VPS13C: variants seen among roughly 807,000 people sequenced by gnomAD.
The protein encoded by VPS13C is intermembrane lipid transfer protein VPS13C.
Under a neutral mutation model 456.8 loss-of-function variants are expected in VPS13C, and 358 were observed. The ratio of observed to expected loss-of-function variants is 0.78; its 90% CI spans 0.72 to 0.86. The LOEUF is 0.86. VPS13C is among the 40% of genes least tolerant of loss of function. The pLI is 0.00. For missense variants in VPS13C, 4,818 were observed against 4,385.4 expected (o/e 1.10, Z -2.79); for synonymous variants, 1,578 against 1,486.7 (o/e 1.06, Z -1.41).
intron 39 of VPS13C, 109 bp downstream of exon 39, chr15:61,951,715 T>A (rs926874741): frequency 1.7e-6 from 2 of 1,210,160 alleles, no homozygotes; most frequent in African/African-American, 1.5e-5. Flanking sequence ...TGAGTTAATG[T>A]ACTAGGAAAT....
intron 48 of VPS13C, among the ~76,000 whole-genome samples, 173 bp downstream of exon 48, chr15:61,936,424 C>A (rs943104093): frequency 6.6e-6 from 1 of 152,186 alleles, no homozygotes; most frequent in African/African-American, 2.4e-5. Context: ...TGACCCTTCC[C>A]CCTGTAGCAG....
chr15:61,900,702 T>C (rs1333236835), intron 66 of VPS13C, among the ~76,000 whole-genome samples: 2 of 151,278 alleles, frequency 1.3e-5, no homozygotes, highest in Non-Finnish European at 1.5e-5. Flanking sequence ...ATTTACAGAT[T>C]CAATGCCATC....
chr15:61,996,116 A>G (rs1263898069), intron 16 of VPS13C, among the ~76,000 whole-genome samples: 1 of 152,216 alleles, frequency 6.6e-6, no homozygotes, highest in Non-Finnish European at 1.5e-5. Context: ...TTAATTCTGT[A>G]TATGAACCTG....
At chr15:61,990,767 C>A (rs1052366853) in intron 18 of VPS13C, among the ~76,000 whole-genome samples, 13 of 152,016 alleles carry the variant, frequency 8.6e-5, no homozygotes, top group African/African-American at 3.1e-4. Context: ...GCCAAGATCA[C>A]GCCACTGCAC....
chr15:62,013,694 A>G (rs1705728596), intron 10 of VPS13C, among the ~76,000 whole-genome samples: 1 of 152,054 alleles, frequency 6.6e-6, no homozygotes, highest in South Asian at 2.1e-4. Context: ...AATATCTAAT[A>G]AAGTACCATT....
chr15:61,867,467 A>T lies in VPS13C; in HGVS notation c.10863+1192T>A. ...CAGATGCTCCAGGTAATAGTCCCGT[A>T]ACTTAAGCAAATTTAGAGCCATTTG... On this transcript the variant is annotated intron_variant, in intron 81 of 84. Transcript: ENST00000644861. The surrounding 1 kb of genome is among the most constrained non-coding windows in gnomAD (Gnocchi z 5.0). 1.0e-6 allele frequency: 1 copy of T among 988,076 alleles called. No homozygotes were observed. Among genetic ancestry groups the T allele is most frequent in the Non-Finnish European group, 1.2e-6 (1 of 831,944 alleles). The allele number at this position is 988,076 out of a possible 1,614,324, so 61.2% of individuals were successfully genotyped here. A position where few individuals can be genotyped will look rare whatever the true frequency, so the allele number is the denominator to read the frequency against.
At chr15:62,052,991 CA>C (rs2048675513) in intron 1 of VPS13C, among the ~76,000 whole-genome samples, 1 of 152,204 alleles carries the variant, frequency 6.6e-6, no homozygotes, top group South Asian at 2.1e-4. Flanking sequence ...GAATGGTTAC[CA>C]AAATACCAAT....
chr15:61,946,255 C>A (rs1304731336), intron 44 of VPS13C, 52 bp downstream of exon 44: 2 of 1,395,270 alleles, frequency 1.4e-6, no homozygotes, highest in South Asian at 2.7e-5. Context: ...AATAGCATCT[C>A]AAATCCAAAA....
rs1567110648 is a variant in VPS13C, at chr15:62,013,999, G to C, written c.685-7C>G. ...TCCAGTGTTCATTTGCAGTCTAAAA[G>C]AAAAAAGGGAATACCTGTGAAACGT... On this transcript the variant is annotated splice_polypyrimidine_tract_variant and splice_region_variant and intron_variant, in intron 9 of 84. Coordinates refer to ENST00000644861, the MANE Select transcript of VPS13C (RefSeq NM_020821.3). 3 of 1,604,076 alleles carry C rather than the reference G, an allele frequency of 1.9e-6. No homozygotes were observed. The highest frequency in any genetic ancestry group is 1.7e-5 in the Admixed American group (1 of 58,534).
chr15:61,927,327 A>T lies in VPS13C; in HGVS notation c.6287-7T>A. On this transcript the variant is annotated splice_polypyrimidine_tract_variant and splice_region_variant and intron_variant, in intron 51 of 84. Transcript: ENST00000644861. ...TTTGGTCTAACAGAGTCATCTGAAG[A>T]AACAAGCAACAGGAACCAGAAAAGT... is the stretch of plus-strand genomic sequence containing the variant. 5 of 1,609,142 alleles carry T rather than the reference A, an allele frequency of 3.1e-6. No individual in the cohort carries two copies. The highest frequency in any genetic ancestry group is 4.2e-6 in the Non-Finnish European group (5 of 1,176,964).
At chr15:61,896,328 C>T (rs1249111667) in intron 66 of VPS13C, among the ~76,000 whole-genome samples, 1 of 152,184 alleles carries the variant, frequency 6.6e-6, no homozygotes, top group Non-Finnish European at 1.5e-5. Context: ...TCTGCATTTC[C>T]ATCTGAGGTA....
In VPS13C at chr15:61,912,981, A is replaced by G. The variant is rs184139743; in HGVS notation, c.8550+330T>C. Among the ~76,000 whole-genome samples the G allele has an allele frequency of 4.4e-3, 670 of 151,354 alleles. 7 individuals carry two copies. The highest frequency in any genetic ancestry group is 0.015 in the African/African-American group (628 of 41,160). ...AAATGCAAATCAAAACCACAATGAG[A>G]TACCATCTCACACCAGTTAGAATGG... is the stretch of plus-strand genomic sequence containing the variant. On this transcript the variant is annotated intron_variant, in intron 62 of 84. Transcript: ENST00000644861.
Position 61,882,655 on chromosome 15 carries a change from T to A in VPS13C, c.9565A>T (p.Ile3189Phe), listed in dbSNP as rs1251275044. 4 of 1,602,958 alleles carry A rather than the reference T, an allele frequency of 2.5e-6. No individual in the cohort carries two copies. Among genetic ancestry groups the A allele is most frequent in the Non-Finnish European group, 2.6e-6 (3 of 1,175,026 alleles). The change falls in exon 69 of 85, where the codon ATT (isoleucine) becomes TTT (phenylalanine). Residue 3189 changes from isoleucine to phenylalanine, a missense_variant. Physicochemically the swap from Ile to Phe is conservative, Grantham distance 21. Around this residue, in one of 3 missense-constraint regions of VPS13C, gnomAD observed 4,552 missense variants for 4,130.6 expected, o/e 1.10. Transcript: ENST00000644861. ...IKRDFLSGIQ[I>F]EFKQSSHQRS... ...TGGTGAGAAGACTGCTTAAATTCAA[T>A]CTGAATTCCTGATAAAAAGTCTCGT...
At chr15:62,016,442 C>T (rs1297069345) in intron 9 of VPS13C, among the ~76,000 whole-genome samples, 2 of 119,354 alleles carry the variant, frequency 1.7e-5, no homozygotes, top group Non-Finnish European at 3.3e-5. Context: ...CCACAACAGG[C>T]CCCAGTGTGT....
intron 15 of VPS13C, among the ~76,000 whole-genome samples, chr15:62,001,859 T>C (rs2046630401): frequency 6.6e-6 from 1 of 152,270 alleles, no homozygotes; most frequent in African/African-American, 2.4e-5. Flanking sequence ...CATCATTTTT[T>C]ATGACTGCAT....
At chr15:61,996,894 C>T (rs911853430) in intron 16 of VPS13C, among the ~76,000 whole-genome samples, 67 of 143,826 alleles carry the variant, frequency 4.7e-4, no homozygotes, top group African/African-American at 1.7e-3. Context: ...CACACACACA[C>T]ACATATATAT....
chr15:61,909,588 G>A (rs2043243835), intron 64 of VPS13C, among the ~76,000 whole-genome samples: 1 of 152,148 alleles, frequency 6.6e-6, no homozygotes, highest in South Asian at 2.1e-4. Context: ...TGATATAGCA[G>A]CACCTTCAAA....
intron 82 of VPS13C, 31 bp downstream of exon 82, chr15:61,863,409 T>C (rs1356861326): frequency 1.3e-6 from 2 of 1,555,484 alleles, no homozygotes; most frequent in East Asian, 2.3e-5. Flanking sequence ...AACTAAGTAC[T>C]ATTTGGAAAA....
At chr15:62,013,753 C>G (rs1375315872) in intron 10 of VPS13C, among the ~76,000 whole-genome samples, 180 bp downstream of exon 10, 1 of 151,888 alleles carries the variant, frequency 6.6e-6, no homozygotes, top group Non-Finnish European at 1.5e-5. Flanking sequence ...GGTAAAGAAC[C>G]TATATCTCAG....
Sources: gnomAD v4.1 joint callset for allele counts (sites outside exome capture counted in the v4.1 genomes callset) on GRCh38, gnomAD v4.1.1 for gene constraint, gnomAD v4.1.1 regional missense constraint, Gnocchi (gnomAD v3.1) non-coding constraint, MANE v1.5 for transcripts, NCBI Gene and HGNC (gene_info 2026-07-23, HGNC 2026-07-21) for gene names.